Variants in KIF26B observed in about 807,000 individuals in gnomAD.
KIF26B encodes kinesin family member 26B.
A neutral mutation model predicts 151.2 loss-of-function variants in KIF26B; 63 were observed. The ratio of observed to expected loss-of-function variants is 0.42; its 90% CI spans 0.34 to 0.51. The LOEUF (loss-of-function observed/expected upper bound fraction) is 0.51, where lower values mean the gene tolerates loss of function less well. Among genes scored for constraint, KIF26B ranks in the 20% least tolerant of loss-of-function variants. The pLI, the probability that KIF26B is intolerant of heterozygous loss-of-function variation, is 0.07. For missense variants in KIF26B, 2,813 were observed against 2,913.6 expected, an observed-to-expected ratio of 0.97 and a Z score of 0.79; for synonymous variants, 1,357 against 1,262.1, an observed-to-expected ratio of 1.08 and a Z score of -1.59.
intron 3 of KIF26B, among the ~76,000 whole-genome samples, chr1:245,386,777 TGGG>T (rs1164352870): frequency 2.0e-5 from 3 of 152,188 alleles, no homozygotes; most frequent in African/African-American, 4.8e-5. Flanking sequence ...TCTCTGATCT[TGGG>T]GGGAGAAAAA....
chr1:245,468,235 T>C (rs1415629586), intron 4 of KIF26B, among the ~76,000 whole-genome samples: 1 of 152,194 alleles, frequency 6.6e-6, no homozygotes, highest in Non-Finnish European at 1.5e-5. Flanking sequence ...CCAGTGACTC[T>C]TAGATGGAAA....
intron 5 of KIF26B, among the ~76,000 whole-genome samples, chr1:245,545,688 G>A (rs1240205911): frequency 2.0e-5 from 3 of 152,206 alleles, no homozygotes; most frequent in African/African-American, 7.2e-5. Context: ...TTAATAAGCA[G>A]ATAAAGATGA....
Position 245,241,454 on chromosome 1 carries a change from C to T in KIF26B, c.465+84771C>T, listed in dbSNP as rs1364231610. Among the ~76,000 whole-genome samples the T allele has an allele frequency of 6.6e-6, 1 of 152,174 alleles. No homozygotes were observed. Among genetic ancestry groups the T allele is most frequent in the East Asian group, 1.9e-4 (1 of 5,196 alleles). On this transcript the variant is annotated intron_variant, in intron 2 of 14. Transcript: ENST00000407071. The surrounding 1 kb of genome is among the most constrained non-coding windows in gnomAD (Gnocchi z 5.0). ...ACTTGGAGCTGGGCACCAGCTGGCA[C>T]TGCTGTGTTCAGAGCATGGGAGGAA...
At chr1:245,646,410 AC>A in intron 10 of KIF26B, 130 bp downstream of exon 10, 1 of 939,668 alleles carries the variant, frequency 1.1e-6, no homozygotes, top group Non-Finnish European at 1.5e-6. Context: ...AGTGCCAGAG[AC>A]CAGCCTTAGC....
At chr1:245,316,526 C>T (rs1243255261) in intron 2 of KIF26B, among the ~76,000 whole-genome samples, 1 of 152,110 alleles carries the variant, frequency 6.6e-6, no homozygotes, top group East Asian at 1.9e-4. Context: ...AAATCCACCT[C>T]AATGATTTTC....
intron 2 of KIF26B, among the ~76,000 whole-genome samples, chr1:245,213,435 T>C (rs939601197): frequency 3.9e-5 from 6 of 152,202 alleles, no homozygotes; most frequent in Admixed American, 3.9e-4. Context: ...TCCCTCTCTT[T>C]CTGAGAAGAG....
intron 4 of KIF26B, among the ~76,000 whole-genome samples, chr1:245,429,311 G>A (rs775774084): frequency 1.8e-4 from 27 of 152,132 alleles, no homozygotes; most frequent in Non-Finnish European, 2.6e-4. Context: ...ATGACTTTTC[G>A]TTGAGACCTT....
At chr1:245,562,054 T>A (rs1337689038) in intron 5 of KIF26B, among the ~76,000 whole-genome samples, 2 of 152,098 alleles carry the variant, frequency 1.3e-5, no homozygotes, top group East Asian at 3.9e-4. Context: ...GGGGGCATCT[T>A]CAGTGTGTGC....
chr1:245,701,687 G>A (rs1202680511), intron 14 of KIF26B, among the ~76,000 whole-genome samples: 1 of 152,202 alleles, frequency 6.6e-6, no homozygotes, highest in Non-Finnish European at 1.5e-5. Context: ...CAGCGTAGGA[G>A]TTACTATTCT....
chr1:245,656,438 T>C (rs10802236), intron 10 of KIF26B, among the ~76,000 whole-genome samples: 88,556 of 152,092 alleles, frequency 0.58, 26,080 homozygotes, highest in Middle Eastern at 0.63. Flanking sequence ...GACAAACCAC[T>C]AAGCCAAATG....
intron 5 of KIF26B, among the ~76,000 whole-genome samples, chr1:245,581,926 GAGGAAGGAAGGA>G (rs141698408): frequency 4.2e-5 from 6 of 142,390 alleles, no homozygotes; most frequent in South Asian, 2.3e-4. Context: ...AAGAGAGAAA[GAGGAAGGAAGGA>G]AGGAAGGAAG....
chr1:245,648,324 G>C (rs747191630), intron 10 of KIF26B, among the ~76,000 whole-genome samples: 1 of 152,104 alleles, frequency 6.6e-6, no homozygotes, highest in Non-Finnish European at 1.5e-5. Flanking sequence ...TTAGAGTTGG[G>C]TTTTTTATAA....
Position 245,155,164 on chromosome 1 carries a change from C to A in KIF26B, c.-261C>A. ...GATGTGGCCGTGACAAGAGGACGTG[C>A]GGCTGGAAGAGGCAGAAGGGGACGA... is the stretch of plus-strand genomic sequence containing the variant. On this transcript the variant is annotated 5_prime_UTR_variant, in exon 1 of 15. Coordinates refer to ENST00000407071, the MANE Select transcript of KIF26B (RefSeq NM_018012.4). 1.8e-6 allele frequency: 1 copy of A among 547,758 alleles called. No homozygotes were observed. Among genetic ancestry groups the A allele is most frequent in the Non-Finnish European group, 3.2e-6 (1 of 317,396 alleles). The allele number at this position is 547,758 out of a possible 1,614,324, so 33.9% of individuals were successfully genotyped here.
At chr1:245,394,742 G>GT (rs1174404545) in intron 3 of KIF26B, among the ~76,000 whole-genome samples, 1 of 134,412 alleles carries the variant, frequency 7.4e-6, no homozygotes. Flanking sequence ...CCGGGCTAGA[G>GT]TGCAATGGCA....
chr1:245,450,067 G>A (rs1010584095), intron 4 of KIF26B, among the ~76,000 whole-genome samples: 2 of 152,160 alleles, frequency 1.3e-5, no homozygotes, highest in Admixed American at 1.3e-4. Flanking sequence ...CAGCATTGTC[G>A]TCTGAACTAC....
intron 2 of KIF26B, among the ~76,000 whole-genome samples, chr1:245,304,707 A>C (rs1671504505): frequency 6.6e-6 from 1 of 151,782 alleles, no homozygotes; most frequent in East Asian, 1.9e-4. Flanking sequence ...CCCTCCATCC[A>C]TCCATCCATC....
intron 2 of KIF26B, among the ~76,000 whole-genome samples, chr1:245,245,671 G>C (rs1424848373): frequency 6.6e-6 from 1 of 152,116 alleles, no homozygotes; most frequent in African/African-American, 2.4e-5. Context: ...GGTGGCTCAT[G>C]CCTGTAACCC....
rs117936523 is a variant in KIF26B, at chr1:245,313,461, C to A, written c.466-53373C>A. On this transcript the variant is annotated intron_variant, in intron 2 of 14. Coordinates refer to ENST00000407071, the MANE Select transcript of KIF26B (RefSeq NM_018012.4). ...TAGCCAGTCACAGCCTGTGGGCTGGCTCTAATTGTGCAGCCCTGCCCGATG... is the reference window on the plus strand; with the variant it reads ...TAGCCAGTCACAGCCTGTGGGCTGGATCTAATTGTGCAGCCCTGCCCGATG... 5.7e-4 allele frequency among the ~76,000 whole-genome samples: 87 copies of A among 152,330 alleles called. No individual in the cohort carries two copies. In the East Asian group the frequency reaches 0.016, roughly 28 times the overall value.
chr1:245,350,944 C>A (rs1672555986), intron 2 of KIF26B, among the ~76,000 whole-genome samples: 1 of 152,144 alleles, frequency 6.6e-6, no homozygotes, highest in Admixed American at 6.5e-5. Context: ...GTTGGTTTGT[C>A]CTTCTGGAAA....
Sources: allele counts gnomAD v4.1 joint callset (sites outside exome capture counted in the v4.1 genomes callset), GRCh38; gene constraint gnomAD v4.1.1; non-coding constraint Gnocchi (gnomAD v3.1); transcripts MANE v1.5; gene names NCBI Gene and HGNC (gene_info 2026-07-23, HGNC 2026-07-21).